Variants in RDH13 observed in about 807,000 individuals in gnomAD.
The protein encoded by RDH13 is retinol dehydrogenase 13.
RDH13 carries 35 observed loss-of-function variants against 28.3 expected under a neutral mutation model. The observed-to-expected ratio is 1.24, with a 90% CI of 0.95 to 1.64. The LOEUF is 1.64. Ranked by LOEUF, RDH13 falls within the 40% of genes most tolerant of loss-of-function variation. The pLI, the probability that RDH13 is intolerant of heterozygous loss-of-function variation, is 0.00. For missense variants in RDH13, 514 were observed against 446.3 expected (o/e 1.15, Z -1.37); for synonymous variants, 229 against 198.5 (o/e 1.15, Z -1.29).
rs182488820 is a variant in RDH13, at chr19:55,058,483, C to T, written c.184+674G>A. Among the ~76,000 whole-genome samples the T allele has an allele frequency of 6.6e-5, 10 of 152,190 alleles. No individual in the cohort carries two copies. The South Asian group carries it at 1.2e-3, about 19-fold the overall frequency. ...GTTTCATCTTGCCAAACTAAACTTCCGTTTCCATTAAACAGTAACTCCCCA... is the reference window on the plus strand; with the variant it reads ...GTTTCATCTTGCCAAACTAAACTTCTGTTTCCATTAAACAGTAACTCCCCA... On this transcript the variant is annotated intron_variant, in intron 2 of 6. Transcript: ENST00000415061.
In RDH13 at chr19:55,056,763, G is replaced by A. The variant is rs199679574; in HGVS notation, c.230C>T (p.Ala77Val). Residue 77 changes from alanine to valine, a missense_variant, in exon 3 of 7, where the codon GCG becomes GTG. Ala to Val is a moderately conservative substitution (Grantham distance 64). Transcript: ENST00000415061. The stretch of plus-strand genomic sequence containing the variant: ...CTCCCCGCGGATGTCCTTTGCTGCC[G>A]CCTCACACTTCTCCATGTCTCGGCA... ...LACRDMEKCE[A>V]AAKDIRGETL... 5.0e-5 allele frequency: 80 copies of A among 1,614,032 alleles called. 1 individual carries two copies. The highest frequency in any genetic ancestry group is 6.7e-5 in the Admixed American group (4 of 59,980).
In RDH13 at chr19:55,056,809, C is replaced by G; in HGVS notation, c.185-1G>C. 1 of 1,613,324 alleles carries G rather than the reference C, an allele frequency of 6.2e-7. No individual in the cohort carries two copies. Among genetic ancestry groups the G allele is most frequent in the South Asian group, 1.1e-5 (1 of 90,988 alleles). On this transcript the variant is annotated splice_acceptor_variant, in intron 2 of 6. Coordinates refer to ENST00000415061, the MANE Select transcript of RDH13 (RefSeq NM_001145971.2). LOFTEE classifies it high-confidence loss of function. ...CGGCAGGCCAGGATGATGTTGCCTC[C>G]TGAAAACCCAGGATGGAAAAAGATT...
chr19:55,040,294 G>A (rs1654438), downstream of RDH13: 5,013 of 152,514 alleles, frequency 0.033, 88 homozygotes, highest in African/African-American at 0.039. Flanking sequence ...GAGTAGCTGG[G>A]ACTACAGGTG....
chr19:55,065,327 T>C (rs2075941362), upstream of RDH13, among the ~76,000 whole-genome samples: 4 of 151,688 alleles, frequency 2.6e-5, no homozygotes, highest in Admixed American at 2.7e-4. Flanking sequence ...AAGGCTATGA[T>C]GAGCTGTGAT....
At chr19:55,042,708 G>A (rs1671216), downstream of RDH13, 92,443 of 151,980 alleles carry the variant, frequency 0.61, 28,335 homozygotes, top group African/African-American at 0.63. Flanking sequence ...GGAGTGGTCC[G>A]CTCCTCTTGG....
rs539961663 is a variant in RDH13 at position 55,055,372 on chromosome 19, C to T, written c.340+1281G>A. ...TTCACCATGTTGGCCAGGCTGGTCT[C>T]GAACTCCTGACCTCAAGGGATCCAC... On this transcript the variant is annotated intron_variant, in intron 3 of 6. Transcript: ENST00000415061. Among the ~76,000 whole-genome samples the T allele has an allele frequency of 3.0e-3, 453 of 151,836 alleles. 4 individuals are homozygous for T. The highest frequency in any genetic ancestry group is 0.014 in the Middle Eastern group (4 of 292).
At position 55,056,697 on chromosome 19, in the gene RDH13, G is replaced by A. The variant is rs766137726; in HGVS notation, c.296C>T (p.Ala99Val). Reference protein sequence around the residue: ...HHVNARHLDLASLKSIREFAA... With the variant: ...HHVNARHLDLVSLKSIREFAA... ...AAACTCTCGGATAGACTTGAGGGAA[G>A]CCAAGTCCAGGTGCCGGGCGTTGAC... Residue 99 changes from alanine to valine, a missense_variant, in exon 3 of 7, where the codon GCT (alanine) becomes GTT (valine). Transcript: ENST00000415061. 43 of 1,613,950 alleles carry A rather than the reference G, an allele frequency of 2.7e-5. 1 individual carries two copies. Among genetic ancestry groups the A allele is most frequent in the Non-Finnish European group, 3.5e-5 (41 of 1,180,006 alleles).
chr19:55,054,082 GTGCACC>G (rs1188291715), intron 3 of RDH13, among the ~76,000 whole-genome samples: 2 of 152,154 alleles, frequency 1.3e-5, no homozygotes, highest in East Asian at 1.9e-4. Flanking sequence ...ACCAACGAAT[GTGCACC>G]TGCACCTGCC....
chr19:55,047,395 G>A lies in RDH13; in HGVS notation c.752C>T (p.Thr251Ile). 1 of 1,611,836 alleles carries A rather than the reference G, an allele frequency of 6.2e-7. No individual in the cohort carries two copies. Among genetic ancestry groups the A allele is most frequent in the Non-Finnish European group, 8.5e-7 (1 of 1,179,892 alleles). Residue 251 changes from threonine to isoleucine, a missense_variant, in exon 6 of 7, where the codon ACC (threonine) becomes ATC (isoleucine). Thr to Ile is a moderately conservative substitution (Grantham distance 89). Transcript: ENST00000415061. Reference sequence around the variant, plus strand: ...GCTGGGAGGGGACTCACCGAGTGTGGTGCTGGAGAAGGTGGAGCCATGGAT... The same window carrying A: ...GCTGGGAGGGGACTCACCGAGTGTGATGCTGGAGAAGGTGGAGCCATGGAT... Reference protein sequence around the residue: ...TGIHGSTFSSTTLGPIFWLLV... With the variant: ...TGIHGSTFSSITLGPIFWLLV...
At chr19:55,048,849 C>A in intron 3 of RDH13, 86 bp from the exon 4 acceptor site, 2 of 1,193,790 alleles carry the variant, frequency 1.7e-6, no homozygotes, top group Non-Finnish European at 2.4e-6. Context: ...TGTGCTCCCA[C>A]AACCTGTGAA....
At chr19:55,040,275 C>T (rs144511075), downstream of RDH13, 11,278 of 152,640 alleles carry the variant, frequency 0.074, 558 homozygotes, top group East Asian at 0.2. Flanking sequence ...TCTCCTGCCT[C>T]AGCCTCCTGA....
downstream of RDH13, chr19:55,039,487 G>A (rs964355905): frequency 3.9e-5 from 6 of 152,226 alleles, no homozygotes; most frequent in African/African-American, 7.2e-5. Flanking sequence ...GGCAGAGATT[G>A]CGGTAAGCCG....
chr19:55,056,543 A>G, intron 3 of RDH13, 110 bp downstream of exon 3: 2 of 1,387,112 alleles, frequency 1.4e-6, no homozygotes, highest in Non-Finnish European at 1.9e-6. Flanking sequence ...CCTAACTCAT[A>G]GTTTGCCAAA....
downstream of RDH13, chr19:55,042,262 T>C (rs1430271797): frequency 6.6e-6 from 1 of 152,132 alleles, no homozygotes; most frequent in Non-Finnish European, 1.5e-5. Flanking sequence ...AATGGGGTGT[T>C]TCTGGAGCAC....
chr19:55,048,280 C>G, intron 5 of RDH13, 49 bp downstream of exon 5: 1 of 1,610,086 alleles, frequency 6.2e-7, no homozygotes, highest in Non-Finnish European at 8.5e-7. Context: ...AAAGGCCGCT[C>G]TAGGCTCAGA....
intron 3 of RDH13, among the ~76,000 whole-genome samples, chr19:55,055,760 G>C (rs1246171833): frequency 2.0e-5 from 3 of 152,082 alleles, no homozygotes; most frequent in Non-Finnish European, 4.4e-5. Flanking sequence ...GGCTGAAGTG[G>C]GAGGATCCCT....
upstream of RDH13, among the ~76,000 whole-genome samples, chr19:55,066,351 C>G (rs772923926): frequency 2.6e-5 from 4 of 152,172 alleles, no homozygotes; most frequent in Non-Finnish European, 5.9e-5. Flanking sequence ...GCACCCAATT[C>G]TCATTCACAT....
downstream of RDH13, chr19:55,042,166 G>C (rs1214252087): frequency 2.8e-5 from 4 of 142,642 alleles, no homozygotes; most frequent in Admixed American, 1.4e-4. Context: ...AAAAAGGAAA[G>C]CTGGCTTTCT....
At chr19:55,055,144 T>G (rs10424969) in intron 3 of RDH13, among the ~76,000 whole-genome samples, 25,861 of 151,810 alleles carry the variant, frequency 0.17, 2,548 homozygotes, top group African/African-American at 0.27. Flanking sequence ...CAGATCAAAG[T>G]TGTTTAGTTC....
Sources: allele counts gnomAD v4.1 joint callset (sites outside exome capture counted in the v4.1 genomes callset), GRCh38; gene constraint gnomAD v4.1.1; transcripts MANE v1.5; gene names NCBI Gene and HGNC (gene_info 2026-07-23, HGNC 2026-07-21).